The following AZIN2 variants were observed in gnomAD, a reference collection of about 807,000 sequenced individuals.
AZIN2 encodes antizyme inhibitor 2, also known as ODC antizyme inhibitor-2.
A neutral mutation model predicts 47.8 loss-of-function variants in AZIN2; 28 were observed. The observed-to-expected ratio is 0.59, with a 90% CI of 0.43 to 0.80. The LOEUF (loss-of-function observed/expected upper bound fraction) is 0.80, where lower values mean the gene tolerates loss of function less well. Ranked by LOEUF, AZIN2 falls within the 30% of genes least tolerant of loss-of-function variation. The pLI, the probability that AZIN2 is intolerant of heterozygous loss-of-function variation, is 0.00. For missense variants in AZIN2, 535 were observed against 582.5 expected (o/e 0.92, Z 0.84); for synonymous variants, 221 against 239.4 (o/e 0.92, Z 0.71).
the AZIN2 span, among the ~76,000 whole-genome samples, chr1:33,144,629 T>C: frequency 2.0e-5 from 3 of 152,238 alleles, no homozygotes; most frequent in African/African-American, 7.2e-5. Flanking sequence ...CTTTAATTCT[T>C]TAAAAGCTTG....
At chr1:33,141,407 C>G in the AZIN2 span, among the ~76,000 whole-genome samples, 1 of 152,224 alleles carries the variant, frequency 6.6e-6, no homozygotes, top group African/African-American at 2.4e-5. Context: ...CTCATCTCAG[C>G]TCCACCATAT....
In AZIN2 at chr1:33,101,736, G is replaced by A. The variant is rs140190825; in HGVS notation, c.1029+3557G>A. On this transcript the variant is annotated intron_variant, in intron 10 of 11. Coordinates refer to ENST00000294517, the MANE Select transcript of AZIN2 (RefSeq NM_052998.4). ...TTTATCACATCTAAATCTATTCCTC[G>A]AGTGTATTTATAATTTATTATATTT... 228 of 654,982 alleles carry A rather than the reference G, an allele frequency of 3.5e-4. 3 individuals carry two copies. Among genetic ancestry groups the A allele is most frequent in the African/African-American group, 2.7e-3 (149 of 55,246 alleles). 40.6% of individuals were successfully genotyped at this position (654,982 alleles called of 1,614,324 possible).
chr1:33,086,946 G>T (rs1488074208), intron 5 of AZIN2, among the ~76,000 whole-genome samples: 3 of 152,032 alleles, frequency 2.0e-5, no homozygotes, highest in African/African-American at 7.2e-5. Flanking sequence ...CTACTCCAAA[G>T]AATTTTCTCT....
At chr1:33,154,199 G>A in the AZIN2 span, among the ~76,000 whole-genome samples, 1 of 152,202 alleles carries the variant, frequency 6.6e-6, no homozygotes, top group African/African-American at 2.4e-5. Context: ...GGTGGCTCAC[G>A]CCTGTAATGC....
intron 10 of AZIN2, among the ~76,000 whole-genome samples, chr1:33,109,014 C>T (rs1256817576): frequency 6.6e-6 from 1 of 152,206 alleles, no homozygotes; most frequent in Non-Finnish European, 1.5e-5. Flanking sequence ...TCTTGTTGCT[C>T]CACATCCACA....
the AZIN2 span, chr1:33,162,788 C>G: frequency 6.6e-6 from 1 of 152,550 alleles, no homozygotes; most frequent in East Asian, 1.9e-4. Flanking sequence ...TCCTACTGAC[C>G]TACCTGGCTT....
At chr1:33,145,232 G>A in the AZIN2 span, among the ~76,000 whole-genome samples, 1 of 152,152 alleles carries the variant, frequency 6.6e-6, no homozygotes, top group African/African-American at 2.4e-5. Flanking sequence ...TGGGACCCCA[G>A]GTAAGTCTTG....
At chr1:33,153,016 A>G in the AZIN2 span, among the ~76,000 whole-genome samples, 1 of 110,286 alleles carries the variant, frequency 9.1e-6, no homozygotes, top group Non-Finnish European at 1.7e-5. Context: ...GAGCTTCCTA[A>G]TGTTAGGCTG....
At chr1:33,107,825 A>G (rs1644089409) in intron 10 of AZIN2, among the ~76,000 whole-genome samples, 1 of 151,286 alleles carries the variant, frequency 6.6e-6, no homozygotes, top group Non-Finnish European at 1.5e-5. Context: ...GGAGATAAAA[A>G]AGGACATAAA....
chr1:33,124,483 A>G (rs1172413509), downstream of AZIN2, among the ~76,000 whole-genome samples: 1 of 151,580 alleles, frequency 6.6e-6, no homozygotes, highest in Non-Finnish European at 1.5e-5. The surrounding 1 kb of genome is among the most constrained non-coding windows in gnomAD (Gnocchi z 4.6). Flanking sequence ...TACTTCCTTC[A>G]CCTCTGCCCA....
At chr1:33,112,746 A>T (rs1644343592) in intron 10 of AZIN2, among the ~76,000 whole-genome samples, 1 of 152,212 alleles carries the variant, frequency 6.6e-6, no homozygotes, top group South Asian at 2.1e-4. Flanking sequence ...AAATTATTTA[A>T]CAAAAACTGA....
chr1:33,128,720 G>A, the AZIN2 span, among the ~76,000 whole-genome samples: 1 of 152,178 alleles, frequency 6.6e-6, no homozygotes, highest in African/African-American at 2.4e-5. Flanking sequence ...AGTTGGTGAG[G>A]TCCTATAACT....
At chr1:33,105,025 A>G (rs1218806314) in intron 10 of AZIN2, among the ~76,000 whole-genome samples, 1 of 152,212 alleles carries the variant, frequency 6.6e-6, no homozygotes, top group Non-Finnish European at 1.5e-5. Context: ...TCTTGCTAAG[A>G]ATAAGCAAGA....
chr1:33,135,525 G>C, the AZIN2 span, among the ~76,000 whole-genome samples: 1 of 152,164 alleles, frequency 6.6e-6, no homozygotes, highest in East Asian at 1.9e-4. Flanking sequence ...ACCCAGCAAG[G>C]CTTCTCTGTT....
chr1:33,086,410 C>G (rs369296019), intron 5 of AZIN2, among the ~76,000 whole-genome samples: 3 of 152,264 alleles, frequency 2.0e-5, no homozygotes, highest in East Asian at 3.9e-4. Flanking sequence ...TGGATGCCCT[C>G]AGCCAACTGC....
At chr1:33,107,356 G>A (rs1259253762) in intron 10 of AZIN2, among the ~76,000 whole-genome samples, 1 of 152,130 alleles carries the variant, frequency 6.6e-6, no homozygotes, top group Admixed American at 6.5e-5. Flanking sequence ...GAGGCAGGCA[G>A]ATCACTTAAG....
chr1:33,105,287 T>C (rs984592598), intron 10 of AZIN2, among the ~76,000 whole-genome samples: 6 of 152,210 alleles, frequency 3.9e-5, no homozygotes, highest in African/African-American at 1.4e-4. Flanking sequence ...TGTGAGCATA[T>C]GGTTTTCTTT....
At chr1:33,083,813 G>A in intron 4 of AZIN2, 141 bp from the exon 5 acceptor site, 1 of 942,684 alleles carries the variant, frequency 1.1e-6, no homozygotes. Context: ...CTGTAGGCTT[G>A]GGGAGGCCCA....
chr1:33,147,414 G>A, the AZIN2 span: 256 of 1,614,138 alleles, frequency 1.6e-4, no homozygotes, highest in South Asian at 2.5e-3. The surrounding 1 kb of genome is among the most constrained non-coding windows in gnomAD (Gnocchi z 8.1). Context: ...TGCAGGCGCT[G>A]TACTGGTTGC....
Sources: gnomAD v4.1 joint callset for allele counts (sites outside exome capture counted in the v4.1 genomes callset) on GRCh38, gnomAD v4.1.1 for gene constraint, Gnocchi (gnomAD v3.1) non-coding constraint, MANE v1.5 for transcripts, NCBI Gene and HGNC (gene_info 2026-07-23, HGNC 2026-07-21) for gene names.